Variants in VCAN observed in about 807,000 individuals in gnomAD.
VCAN encodes versican core protein.
Under a neutral mutation model 245.5 loss-of-function variants are expected in VCAN, and 44 were observed. The ratio of observed to expected loss-of-function variants is 0.18; its 90% CI spans 0.14 to 0.23. The LOEUF is 0.23. Ranked by LOEUF, VCAN falls within the 10% of genes least tolerant of loss-of-function variation. The pLI, the probability that VCAN is intolerant of heterozygous loss-of-function variation, is 1.00. For synonymous variants in VCAN, 1,413 were observed against 1,437.0 expected, an observed-to-expected ratio of 0.98 and a Z score of 0.38; for missense variants, 3,793 against 4,057.9, an observed-to-expected ratio of 0.93 and a Z score of 1.77.
rs1363953112 is a variant in VCAN, at chr5:83,472,032, G to T, written c.-7+9G>T. The stretch of plus-strand genomic sequence containing the variant: ...ATAAGCCGCCTTCCAAGGTAATCAC[G>T]TTTCTTTTGTTCCCCCCTTAAAAAA... On this transcript the variant is annotated intron_variant, in intron 1 of 14. Transcript: ENST00000265077. 3.9e-5 allele frequency: 14 copies of T among 354,938 alleles called. No individual in the cohort carries two copies. In the East Asian group the frequency reaches 5.8e-4, roughly 15 times the overall value. 22.0% of individuals were successfully genotyped at this position (354,938 alleles called of 1,614,324 possible).
intron 12 of VCAN, among the ~76,000 whole-genome samples, chr5:83,556,913 T>C (rs1203425934): frequency 2.6e-5 from 4 of 152,164 alleles, no homozygotes; most frequent in African/African-American, 4.8e-5. Flanking sequence ...ATGGAATACA[T>C]TGGGTTTTAG....
chr5:83,569,541 T>C lies in VCAN; in HGVS notation c.9736-2875T>C, dbSNP rs150663008. On this transcript the variant is annotated intron_variant, in intron 12 of 14. Coordinates refer to ENST00000265077, the MANE Select transcript of VCAN (RefSeq NM_004385.5). ...TTCTACTAGGAGAAAAAAATGCAAT[T>C]AATGAGTAAATTATGTAGGATGGTA... Among the ~76,000 whole-genome samples the C allele has an allele frequency of 2.5e-3, 375 of 152,222 alleles. 2 individuals are homozygous for C. Among genetic ancestry groups the C allele is most frequent in the African/African-American group, 8.6e-3 (356 of 41,542 alleles).
Position 83,519,881 on chromosome 5 carries a change from G to A in VCAN, c.1575G>A (p.Met525Ile), listed in dbSNP as rs146518697. 6 of 1,613,984 alleles carry A rather than the reference G, an allele frequency of 3.7e-6. No individual in the cohort carries two copies. The African/African-American group carries it at 8.0e-5, about 22-fold the overall frequency. Residue 525 changes from methionine to isoleucine, a missense_variant, in exon 7 of 15, where the codon ATG (methionine) becomes ATA (isoleucine). Transcript: ENST00000265077. ...VTETPLVTAR[M>I]ILESKTEKKM... ...AAACACCATTGGTAACTGCAAGAATGATCCTGGAATCCAAAACTGAAAAGA... is the reference window on the plus strand; with the variant it reads ...AAACACCATTGGTAACTGCAAGAATAATCCTGGAATCCAAAACTGAAAAGA...
intron 12 of VCAN, among the ~76,000 whole-genome samples, chr5:83,561,228 A>G (rs1747854773): frequency 1.3e-5 from 2 of 152,070 alleles, no homozygotes; most frequent in Non-Finnish European, 2.9e-5. Context: ...CAGTTGGGAG[A>G]AAACAGAGAG....
intron 7 of VCAN, chr5:83,531,566 A>G (rs1054418123): frequency 1.3e-5 from 2 of 152,228 alleles, no homozygotes; most frequent in African/African-American, 4.8e-5. Context: ...ACACATTAAA[A>G]TAAAATCCAT....
At chr5:83,503,180 T>G (rs1208197938) in intron 5 of VCAN, among the ~76,000 whole-genome samples, 1 of 152,116 alleles carries the variant, frequency 6.6e-6, no homozygotes, top group African/African-American at 2.4e-5. Flanking sequence ...TGCTTTGATC[T>G]TATGTATATC....
At chr5:83,557,514 C>G (rs1747719250) in intron 12 of VCAN, among the ~76,000 whole-genome samples, 1 of 152,120 alleles carries the variant, frequency 6.6e-6, no homozygotes, top group Non-Finnish European at 1.5e-5. Context: ...AAGTGCCATA[C>G]AGGTGAGCTT....
intron 6 of VCAN, 86 bp downstream of exon 6, chr5:83,512,482 G>A: frequency 6.8e-7 from 1 of 1,480,364 alleles, no homozygotes; most frequent in Non-Finnish European, 9.2e-7. Flanking sequence ...CCGTTGGAGT[G>A]GATTCCATGT....
Position 83,537,985 on chromosome 5 carries a change from A to G in VCAN, c.4982A>G (p.Gln1661Arg), listed in dbSNP as rs781684060. The G allele has an allele frequency of 6.2e-6, 10 of 1,613,868 alleles. No homozygotes were observed. The East Asian group carries it at 1.8e-4, about 29-fold the overall frequency. Residue 1661 changes from glutamine to arginine, a missense_variant, in exon 8 of 15, where the codon CAG becomes CGG. This residue lies in a region of VCAN where 3,182 missense variants were observed against 3,250.3 expected (regional missense o/e 0.98). Transcript: ENST00000265077. ...TMFTMVTDLSQRNTTDTLITL... is the reference protein window; with the variant it reads ...TMFTMVTDLSRRNTTDTLITL... ...TTCACCATGGTAACTGATTTATCAC[A>G]GAGAAATACTACTGATACACTCATT...
rs1159709372 is a variant in VCAN at position 83,471,823 on chromosome 5, T to C, written c.-207T>C. 9 of 398,282 alleles carry C rather than the reference T, an allele frequency of 2.3e-5. No homozygotes were observed. Among genetic ancestry groups the C allele is most frequent in the Non-Finnish European group, 4.0e-5 (9 of 226,012 alleles). The allele number at this position is 398,282 out of a possible 1,614,324, so 24.7% of individuals were successfully genotyped here. A position where few individuals can be genotyped will look rare whatever the true frequency, so the allele number is the denominator to read the frequency against. ...CGTGCGGACGCAACAGCCGAGAACATTAGGTGTTGTGGACAGGAGCTGGGA... is the reference window on the plus strand; with the variant it reads ...CGTGCGGACGCAACAGCCGAGAACACTAGGTGTTGTGGACAGGAGCTGGGA... On this transcript the variant is annotated 5_prime_UTR_variant, in exon 1 of 15. Coordinates refer to ENST00000265077, the MANE Select transcript of VCAN (RefSeq NM_004385.5).
Position 83,539,145 on chromosome 5 carries a change from G to A in VCAN, c.6142G>A (p.Val2048Met). The A allele has an allele frequency of 6.2e-7, 1 of 1,614,028 alleles. No homozygotes were observed. Among genetic ancestry groups the A allele is most frequent in the Non-Finnish European group, 8.5e-7 (1 of 1,179,984 alleles). ...CATTATCGACGAAGGATTGGGAGAA[G>A]TGGGTACTGTCAATGAAATTGATAG... ...SSIIDEGLGE[V>M]GTVNEIDRRS... The change falls in exon 8 of 15, where the codon GTG (valine) becomes ATG (methionine). Residue 2048 changes from valine to methionine, a missense_variant. Physicochemically the swap from Val to Met is conservative, Grantham distance 21. This residue lies in a region of VCAN where 3,182 missense variants were observed against 3,250.3 expected (regional missense o/e 0.98). Transcript: ENST00000265077.
chr5:83,572,589 C>G, intron 13 of VCAN, 29 bp downstream of exon 13: 1 of 1,612,770 alleles, frequency 6.2e-7, no homozygotes, highest in Non-Finnish European at 8.5e-7. Flanking sequence ...ATAATGTGTA[C>G]TTAATCTTCA....
At chr5:83,488,271 G>T (rs1744855550) in intron 2 of VCAN, among the ~76,000 whole-genome samples, 1 of 152,132 alleles carries the variant, frequency 6.6e-6, no homozygotes, top group Admixed American at 6.5e-5. Context: ...TTATTAAAAA[G>T]ATCATGAAAT....
At chr5:83,510,741 A>T (rs2112388339) in intron 5 of VCAN, among the ~76,000 whole-genome samples, 1 of 152,366 alleles carries the variant, frequency 6.6e-6, no homozygotes, top group Admixed American at 6.5e-5. Context: ...AGAATCTTTC[A>T]TTGTAACATG....
chr5:83,520,524 T>G lies in VCAN; in HGVS notation c.2218T>G (p.Ser740Ala), dbSNP rs1746042348. The change falls in exon 7 of 15, where the codon TCT becomes GCT. Residue 740 changes from serine to alanine, a missense_variant. Transcript: ENST00000265077. ...LSEPIHVTES[S>A]VEMTKSFDFP... ...AGAGCCAATTCATGTTACAGAGTCT[T>G]CTGTGGAAATGACCAAGTCTTTTGA... is the stretch of plus-strand genomic sequence containing the variant. 1 of 1,614,048 alleles carries G rather than the reference T, an allele frequency of 6.2e-7. No individual in the cohort carries two copies. The highest frequency in any genetic ancestry group is 8.5e-7 in the Non-Finnish European group (1 of 1,179,964).
At chr5:83,495,773 C>CTG (rs1745136781) in intron 5 of VCAN, among the ~76,000 whole-genome samples, 1 of 152,078 alleles carries the variant, frequency 6.6e-6, no homozygotes, top group African/African-American at 2.4e-5. Flanking sequence ...TCTAATTAAC[C>CTG]TAAAAGATCT....
At position 83,520,951 on chromosome 5, in the gene VCAN, G is replaced by C. The variant is rs763241642; in HGVS notation, c.2645G>C (p.Arg882Thr). 2 of 1,614,116 alleles carry C rather than the reference G, an allele frequency of 1.2e-6. No individual in the cohort carries two copies. Among genetic ancestry groups the C allele is most frequent in the South Asian group, 1.1e-5 (1 of 91,080 alleles). ...DIAAHGKFTI[R>T]FQPTTSTGIA... ...GCAGCCCATGGAAAATTCACAATTA[G>C]ATTTCAGCCAACTACATCAACTGGT... The change falls in exon 7 of 15, where the codon AGA (arginine) becomes ACA (threonine). Residue 882 changes from arginine to threonine, a missense_variant. Arg to Thr is a moderately conservative substitution (Grantham distance 71). Around this residue, in one of 5 missense-constraint regions of VCAN, gnomAD observed 3,182 missense variants for 3,250.3 expected, o/e 0.98. Transcript: ENST00000265077.
intron 12 of VCAN, 99 bp downstream of exon 12, chr5:83,555,137 G>GTCAT: frequency 1.6e-6 from 2 of 1,257,734 alleles, no homozygotes; most frequent in Non-Finnish European, 2.3e-6. Context: ...CTGGAGGCAA[G>GTCAT]TTAAATGACT....
At chr5:83,553,664 C>G (rs776592748) in intron 11 of VCAN, 142 bp downstream of exon 11, 1 of 1,173,724 alleles carries the variant, frequency 8.5e-7, no homozygotes, top group Non-Finnish European at 1.2e-6. Flanking sequence ...TACTTAAAAT[C>G]ATCTCACCTA....
Sources: gnomAD v4.1 joint callset for allele counts (sites outside exome capture counted in the v4.1 genomes callset) on GRCh38, gnomAD v4.1.1 for gene constraint, gnomAD v4.1.1 regional missense constraint, MANE v1.5 for transcripts, NCBI Gene and HGNC (gene_info 2026-07-23, HGNC 2026-07-21) for gene names.